Variants in CPNE8 observed in about 807,000 individuals in gnomAD.
CPNE8 encodes copine 8, also known as copine-8.
Under a neutral mutation model 81.5 loss-of-function variants are expected in CPNE8, and 45 were observed. The observed-to-expected ratio is 0.55, with a 90% CI of 0.44 to 0.71. CPNE8 has a LOEUF of 0.71. CPNE8 is among the 30% of genes least tolerant of loss of function. CPNE8 has a pLI of 0.00. For missense variants in CPNE8, 594 were observed against 672.1 expected (o/e 0.88, Z 1.28); for synonymous variants, 252 against 226.3 (o/e 1.11, Z -1.02).
chr12:38,669,087 T>TA (rs1049226034), intron 19 of CPNE8, among the ~76,000 whole-genome samples: 1 of 151,846 alleles, frequency 6.6e-6, no homozygotes, highest in African/African-American at 2.4e-5. Context: ...CACACACGCA[T>TA]AATGAGCTTC....
chr12:38,770,690 T>C (rs1043556784), intron 7 of CPNE8, among the ~76,000 whole-genome samples: 6 of 152,170 alleles, frequency 3.9e-5, no homozygotes, highest in Admixed American at 1.3e-4. Flanking sequence ...CAACTCCCAC[T>C]GCTCACCCCT....
chr12:38,806,271 G>T (rs1942799217), intron 6 of CPNE8, among the ~76,000 whole-genome samples: 1 of 150,154 alleles, frequency 6.7e-6, no homozygotes, highest in Non-Finnish European at 1.5e-5. Context: ...GCATCATCCT[G>T]ATACCAAAGC....
intron 6 of CPNE8, among the ~76,000 whole-genome samples, chr12:38,808,332 A>G (rs1050783710): frequency 3.9e-5 from 6 of 152,130 alleles, no homozygotes; most frequent in African/African-American, 1.4e-4. Flanking sequence ...ACTATTCACA[A>G]TAGCAAAGAC....
chr12:38,674,396 T>G (rs10875961), intron 18 of CPNE8, among the ~76,000 whole-genome samples: 95,222 of 152,014 alleles, frequency 0.63, 36,697 homozygotes, highest in Non-Finnish European at 0.88. Context: ...TCCTTCAAAG[T>G]CAAAAGCAAA....
At chr12:38,833,172 G>A (rs1194841353) in intron 5 of CPNE8, among the ~76,000 whole-genome samples, 2 of 151,646 alleles carry the variant, frequency 1.3e-5, no homozygotes, top group Non-Finnish European at 2.9e-5. Flanking sequence ...GGCCAACATG[G>A]TGAAACCCCA....
chr12:38,673,431 C>A (rs759548305), intron 18 of CPNE8, among the ~76,000 whole-genome samples: 1 of 151,764 alleles, frequency 6.6e-6, no homozygotes, highest in Non-Finnish European at 1.5e-5. Context: ...GATAGGAGAG[C>A]AACAATTTGA....
intron 19 of CPNE8, among the ~76,000 whole-genome samples, chr12:38,668,234 G>C (rs1431686442): frequency 6.6e-6 from 1 of 152,220 alleles, no homozygotes; most frequent in African/African-American, 2.4e-5. Flanking sequence ...AAAGATGAAA[G>C]AATTTGGAGT....
intron 13 of CPNE8, among the ~76,000 whole-genome samples, chr12:38,713,855 A>G (rs911983999): frequency 6.6e-6 from 1 of 152,202 alleles, no homozygotes; most frequent in Non-Finnish European, 1.5e-5. Flanking sequence ...GACAGTCTGT[A>G]GACCTCCAAG....
intron 10 of CPNE8, among the ~76,000 whole-genome samples, chr12:38,752,883 C>T (rs1181552827): frequency 1.3e-5 from 2 of 152,054 alleles, no homozygotes; most frequent in Non-Finnish European, 2.9e-5. Context: ...CTTGATAATT[C>T]TCCTGTTGGT....
At chr12:38,827,370 G>A (rs1303200622) in intron 6 of CPNE8, among the ~76,000 whole-genome samples, 5 of 152,144 alleles carry the variant, frequency 3.3e-5, no homozygotes, top group Non-Finnish European at 7.4e-5. Context: ...TATGCTGCTG[G>A]TGGAAATGTA....
chr12:38,685,775 A>G (rs776970840), intron 15 of CPNE8, 158 bp from the exon 16 acceptor site: 2 of 575,234 alleles, frequency 3.5e-6, no homozygotes, highest in Admixed American at 6.7e-5. Flanking sequence ...TAATACATTA[A>G]GTAAGTGATC....
intron 1 of CPNE8, among the ~76,000 whole-genome samples, chr12:38,900,505 T>C (rs1472705687): frequency 6.6e-6 from 1 of 152,126 alleles, no homozygotes; most frequent in African/African-American, 2.4e-5. Flanking sequence ...TCAAGGAGAA[T>C]AGAAAGACTA....
At chr12:38,858,384 A>G (rs150262737) in intron 3 of CPNE8, among the ~76,000 whole-genome samples, 4 of 151,412 alleles carry the variant, frequency 2.6e-5, no homozygotes, top group East Asian at 1.9e-4. Flanking sequence ...AACTTTTATT[A>G]AAGTGTCAGT....
chr12:38,760,541 T>C (rs1408604928), intron 10 of CPNE8, among the ~76,000 whole-genome samples: 1 of 151,214 alleles, frequency 6.6e-6, no homozygotes, highest in Non-Finnish European at 1.5e-5. Flanking sequence ...CATAAAAATG[T>C]TCAGAGAAAT....
At chr12:38,857,753 G>A (rs907300481) in intron 3 of CPNE8, among the ~76,000 whole-genome samples, 15 of 152,218 alleles carry the variant, frequency 9.9e-5, no homozygotes, top group Admixed American at 2.0e-4. Flanking sequence ...AAAAATAGCC[G>A]GGCATGGTGG....
intron 18 of CPNE8, among the ~76,000 whole-genome samples, chr12:38,675,430 A>T (rs968098707): frequency 1.3e-5 from 2 of 152,218 alleles, no homozygotes; most frequent in African/African-American, 4.8e-5. Flanking sequence ...TATTATTTTG[A>T]GGTACAAACT....
At chr12:38,698,803 A>G (rs545834083) in intron 14 of CPNE8, among the ~76,000 whole-genome samples, 1 of 152,344 alleles carries the variant, frequency 6.6e-6, no homozygotes, top group South Asian at 2.1e-4. Context: ...GTTGCTTTGT[A>G]GTAAGTTTTA....
Position 38,704,822 on chromosome 12 carries a change from A to ATGTGTATATATATG in CPNE8, c.915-1902_915-1901insCATATATATACACA, listed in dbSNP as rs1217822431. Reference sequence around the variant, plus strand: ...CTGAGGACCATCTGTGTGTGTATGTATGTGTATATATATATATATATATAT... The same window carrying ATGTGTATATATATG: ...CTGAGGACCATCTGTGTGTGTATGTATGTGTATATATATGTGTGTATATATATATATATATATAT... On this transcript the variant is annotated intron_variant, in intron 13 of 19. Coordinates refer to ENST00000331366, the MANE Select transcript of CPNE8 (RefSeq NM_153634.3). 2.6e-3 allele frequency among the ~76,000 whole-genome samples: 93 copies of ATGTGTATATATATG among 35,562 alleles called. 2 individuals are homozygous for ATGTGTATATATATG. Among genetic ancestry groups the ATGTGTATATATATG allele is most frequent in the African/African-American group, 6.0e-3 (83 of 13,836 alleles). 23.3% of individuals were successfully genotyped at this position (35,562 alleles called of 152,430 possible).
chr12:38,899,876 G>A (rs1944434730), intron 1 of CPNE8, among the ~76,000 whole-genome samples: 1 of 151,948 alleles, frequency 6.6e-6, no homozygotes, highest in Admixed American at 6.6e-5. Flanking sequence ...AGCTGCCAAG[G>A]TGGCACACAT....
Sources: gnomAD v4.1 joint callset for allele counts (sites outside exome capture counted in the v4.1 genomes callset) on GRCh38, gnomAD v4.1.1 for gene constraint, MANE v1.5 for transcripts, NCBI Gene and HGNC (gene_info 2026-07-23, HGNC 2026-07-21) for gene names.